Variants in SP6 observed in about 807,000 individuals in gnomAD.
The protein encoded by SP6 is transcription factor Sp6.
A neutral mutation model predicts 23.4 loss-of-function variants in SP6; 10 were observed. The observed-to-expected ratio is 0.43, with a 90% CI of 0.26 to 0.72. SP6 has a LOEUF of 0.72. SP6 is among the 30% of genes least tolerant of loss of function. The probability of loss-of-function intolerance (pLI) is 0.23; values close to 1 mark genes in which losing one functional copy is unlikely to be tolerated. For missense variants in SP6, 482 were observed against 523.8 expected (o/e 0.92, Z 0.78); for synonymous variants, 238 against 238.7 (o/e 1.00, Z 0.03).
upstream of SP6, among the ~76,000 whole-genome samples, chr17:47,860,635 G>A (rs1296392862): frequency 2.0e-5 from 3 of 151,562 alleles, no homozygotes; most frequent in African/African-American, 4.9e-5. Context: ...AGGCGGAGGC[G>A]GGAGGATTAC....
At position 47,848,141 on chromosome 17, in the gene SP6, G is replaced by T. The variant is rs147425590; in HGVS notation, c.289C>A (p.Gln97Lys). The T allele has an allele frequency of 1.8e-5, 29 of 1,613,434 alleles. No individual in the cohort carries two copies. The highest frequency in any genetic ancestry group is 2.4e-5 in the Non-Finnish European group (28 of 1,180,002). ...TCATAATGGTGTGACATGTCCGGCT[G>T]CAGGAGCTTGGAAAAGGGGCCCGGG... ...LAPGPFSKLL[Q>K]PDMSHHYESW... Residue 97 changes from glutamine (Q) to lysine (K), a missense_variant, in exon 2 of 2, where the codon CAG (glutamine) becomes AAG (lysine). Physicochemically the swap from Gln to Lys is moderately conservative, Grantham distance 53 (BLOSUM62 1). Transcript: ENST00000536300. The surrounding 1 kb of genome is among the most constrained non-coding windows in gnomAD (Gnocchi z 5.3).
At position 47,848,034 on chromosome 17, in the gene SP6, G is replaced by A; in HGVS notation, c.396C>T (p.Leu132=). Residue 132 remains leucine, a synonymous_variant, in exon 2 of 2, where the codon CTC becomes CTT. Transcript: ENST00000536300. This position sits in a 1 kb window ranked among gnomAD's most constrained non-coding sequence, Gnocchi z 5.3. ...AGGTCAGCGCGCCCTGAGTGTGGGG[G>A]AGGTCCATCCAGCTGGTGCCCGGAT... ...DLHPGTSWMD[L]PHTQGALTSP... is the part of the protein sequence containing the mutation. The A allele has an allele frequency of 6.2e-7, 1 of 1,611,970 alleles. No homozygotes were observed. The highest frequency in any genetic ancestry group is 1.1e-5 in the South Asian group (1 of 90,762).
In SP6 at chr17:47,845,367, G is replaced by A. The variant is rs1454851981; in HGVS notation, c.*1932C>T. The A allele has an allele frequency of 6.6e-6, 1 of 152,230 alleles. No individual in the cohort carries two copies. Among genetic ancestry groups the A allele is most frequent in the Admixed American group, 6.5e-5 (1 of 15,288 alleles). 9.4% of individuals were successfully genotyped at this position (152,230 alleles called of 1,614,324 possible). A position where few individuals can be genotyped will look rare whatever the true frequency, so the allele number is the denominator to read the frequency against. ...CTCCTGCCCCCAACCCTCTCAGCAA[G>A]GAAGGGGATCTCTGGTTGGGTTAGC... On this transcript the variant is annotated 3_prime_UTR_variant, in exon 2 of 2. Coordinates refer to ENST00000536300, the MANE Select transcript of SP6 (RefSeq NM_001258248.2).
chr17:47,850,177 G>A (rs1053605116), intron 1 of SP6, among the ~76,000 whole-genome samples: 6 of 152,220 alleles, frequency 3.9e-5, no homozygotes, highest in Non-Finnish European at 8.8e-5. Context: ...GGGGCTGGAG[G>A]ATGGGAAGGC....
At chr17:47,850,645 C>T (rs1411793604) in intron 1 of SP6, among the ~76,000 whole-genome samples, 1 of 152,224 alleles carries the variant, frequency 6.6e-6, no homozygotes, top group African/African-American at 2.4e-5. Context: ...CCATTCGGCT[C>T]TGCCTCTCTG....
In SP6 at chr17:47,847,364, C is replaced by A; in HGVS notation, c.1066G>T (p.Ala356Ser). The A allele has an allele frequency of 6.2e-7, 1 of 1,607,036 alleles. No homozygotes were observed. ...AASGEGKAGG[A>S]VEPPGGKGKR... ...CCTTTGCCCCCGGGGGGCTCCACTG[C>A]GCCGCCGGCCTTGCCCTCTCCCGAG... The change falls in exon 2 of 2, where the codon GCA (alanine) becomes TCA (serine). Residue 356 changes from alanine to serine, a missense_variant. Ala to Ser is a moderately conservative substitution (Grantham distance 99). Transcript: ENST00000536300.
Position 47,847,131 on chromosome 17 carries a change from G to T in SP6, c.*168C>A. 1.4e-6 allele frequency: 1 copy of T among 695,644 alleles called. No individual in the cohort carries two copies. The highest frequency in any genetic ancestry group is 2.0e-5 in the South Asian group (1 of 50,782). 43.1% of individuals were successfully genotyped at this position (695,644 alleles called of 1,614,324 possible). A position where few individuals can be genotyped will look rare whatever the true frequency, so the allele number is the denominator to read the frequency against. ...ATTCATCCTGCCTAGTAGCCCCAGAGACTAAGAACCCCTAGCGCCCCATCT... is the reference window on the plus strand; with the variant it reads ...ATTCATCCTGCCTAGTAGCCCCAGATACTAAGAACCCCTAGCGCCCCATCT... On this transcript the variant is annotated 3_prime_UTR_variant, in exon 2 of 2. Transcript: ENST00000536300.
the SP6 span, among the ~76,000 whole-genome samples, chr17:47,872,693 C>A: frequency 1.3e-5 from 2 of 152,202 alleles, no homozygotes; most frequent in African/African-American, 4.8e-5. Context: ...CCGTTGAGGA[C>A]GCGGAGGGTG....
rs555645226 is a variant in SP6, at chr17:47,846,208, G to A, written c.*1091C>T. The A allele has an allele frequency of 8.5e-5, 13 of 152,330 alleles. No individual in the cohort carries two copies. Among genetic ancestry groups the A allele is most frequent in the Admixed American group, 4.6e-4 (7 of 15,298 alleles). The allele number at this position is 152,330 out of a possible 1,614,324, so 9.4% of individuals were successfully genotyped here. On this transcript the variant is annotated 3_prime_UTR_variant, in exon 2 of 2. Coordinates refer to ENST00000536300, the MANE Select transcript of SP6 (RefSeq NM_001258248.2). ...CAAGGGCCAAGCTAGAGAGACAGTG[G>A]GGTTTATTTTCTTGGTGACAGCTAA...
chr17:47,856,818 C>A (rs1254706919), upstream of SP6, among the ~76,000 whole-genome samples: 1 of 151,950 alleles, frequency 6.6e-6, no homozygotes, highest in Non-Finnish European at 1.5e-5. Context: ...ACCCCCTCTA[C>A]ACACACCAGA....
chr17:47,852,041 A>G (rs976728197), upstream of SP6, among the ~76,000 whole-genome samples: 6 of 151,838 alleles, frequency 4.0e-5, no homozygotes, highest in Non-Finnish European at 7.4e-5. Flanking sequence ...CTCGCCCCCG[A>G]GCACCCGGTT....
At chr17:47,857,903 A>C (rs2034009759), upstream of SP6, among the ~76,000 whole-genome samples, 3 of 149,568 alleles carry the variant, frequency 2.0e-5, no homozygotes, top group Admixed American at 6.7e-5. Context: ...CAGCTCCCCT[A>C]CCCGCCCCCT....
upstream of SP6, among the ~76,000 whole-genome samples, chr17:47,851,552 C>G (rs1324737801): frequency 1.3e-5 from 2 of 152,168 alleles, no homozygotes; most frequent in East Asian, 3.9e-4. Context: ...CTTAGGTTGC[C>G]TCGATGGCCC....
chr17:47,875,975 G>A, the SP6 span, among the ~76,000 whole-genome samples: 1 of 152,172 alleles, frequency 6.6e-6, no homozygotes, highest in South Asian at 2.1e-4. Context: ...TGGACTCTGA[G>A]AAGAACTGAG....
At chr17:47,860,689 C>A (rs1260674436), upstream of SP6, among the ~76,000 whole-genome samples, 1 of 142,834 alleles carries the variant, frequency 7.0e-6, no homozygotes, top group Non-Finnish European at 1.5e-5. Context: ...CATAGTAAGA[C>A]TCCGACTCTA....
chr17:47,847,124 C>A lies in SP6; in HGVS notation c.*175G>T, dbSNP rs187295538. 5.0e-5 allele frequency: 33 copies of A among 659,802 alleles called. No individual in the cohort carries two copies. Among genetic ancestry groups the A allele is most frequent in the South Asian group, 2.0e-4 (10 of 49,938 alleles). The allele number at this position is 659,802 out of a possible 1,614,324, so 40.9% of individuals were successfully genotyped here. A position where few individuals can be genotyped will look rare whatever the true frequency, so the allele number is the denominator to read the frequency against. On this transcript the variant is annotated 3_prime_UTR_variant, in exon 2 of 2. Coordinates refer to ENST00000536300, the MANE Select transcript of SP6 (RefSeq NM_001258248.2). ...CAGTCAAATTCATCCTGCCTAGTAG[C>A]CCCAGAGACTAAGAACCCCTAGCGC...
Position 47,846,977 on chromosome 17 carries a change from C to T in SP6, c.*322G>A, listed in dbSNP as rs2033892294. 3 of 351,950 alleles carry T rather than the reference C, an allele frequency of 8.5e-6. No individual in the cohort carries two copies. The highest frequency in any genetic ancestry group is 1.6e-5 in the Non-Finnish European group (3 of 193,258). The allele number at this position is 351,950 out of a possible 1,614,324, so 21.8% of individuals were successfully genotyped here. The stretch of plus-strand genomic sequence containing the variant: ...TCCGGGGACTGGGACTTGCTGTCTC[C>T]TCTAGCCTGTCCCCGCCAGCCAGCC... On this transcript the variant is annotated 3_prime_UTR_variant, in exon 2 of 2. Transcript: ENST00000536300.
In SP6 at chr17:47,847,737, G is replaced by A; in HGVS notation, c.693C>T (p.Pro231=). The change falls in exon 2 of 2, where the codon CCC becomes CCT. Residue 231 remains proline, a synonymous_variant. Coordinates refer to ENST00000536300, the MANE Select transcript of SP6 (RefSeq NM_001258248.2). ...RSSGQTVCRC[P]NCLEAERLGA... ...CCAGTCGCTCCGCCTCCAGACAGTTGGGGCAGCGACAGACGGTCTGGCCTG... is the reference window on the plus strand; with the variant it reads ...CCAGTCGCTCCGCCTCCAGACAGTTAGGGCAGCGACAGACGGTCTGGCCTG... The A allele has an allele frequency of 6.3e-7, 1 of 1,590,432 alleles. No homozygotes were observed. The highest frequency in any genetic ancestry group is 8.6e-7 in the Non-Finnish European group (1 of 1,167,178).
chr17:47,854,945 T>A (rs543008086), upstream of SP6, among the ~76,000 whole-genome samples: 4 of 152,278 alleles, frequency 2.6e-5, no homozygotes, highest in South Asian at 8.3e-4. Context: ...ATATTCCTTA[T>A]TTCCCCTCCT....
Sources: allele counts gnomAD v4.1 joint callset (sites outside exome capture counted in the v4.1 genomes callset), GRCh38; gene constraint gnomAD v4.1.1; non-coding constraint Gnocchi (gnomAD v3.1); transcripts MANE v1.5; gene names NCBI Gene and HGNC (gene_info 2026-07-23, HGNC 2026-07-21).